CHD5: variants seen among roughly 807,000 people sequenced by gnomAD.
CHD5 encodes the protein chromodomain helicase DNA binding protein 5.
A neutral mutation model predicts 230.3 loss-of-function variants in CHD5; 69 were observed. The ratio of observed to expected loss-of-function variants is 0.30; its 90% CI spans 0.25 to 0.37. CHD5 has a LOEUF of 0.37. Among genes scored for constraint, CHD5 ranks in the 10% least tolerant of loss-of-function variants. The pLI is 1.00. For synonymous variants in CHD5, 1,064 were observed against 1,065.9 expected (o/e 1.00, Z 0.03); for missense variants, 1,827 against 2,622.8 (o/e 0.70, Z 6.63).
chr1:6,156,557 G>C (rs1667084219), intron 3 of CHD5, among the ~76,000 whole-genome samples: 2 of 138,868 alleles, frequency 1.4e-5, no homozygotes, highest in Non-Finnish European at 1.6e-5. Context: ...AAAAAAAAAA[G>C]ACATGAGGCC....
rs768661828 is a variant in CHD5 at position 6,131,763 on chromosome 1, G to A, written c.3145-15C>T. 4.4e-5 allele frequency: 69 copies of A among 1,562,170 alleles called. No homozygotes were observed. Among genetic ancestry groups the A allele is most frequent in the Non-Finnish European group, 5.6e-5 (64 of 1,134,044 alleles). On this transcript the variant is annotated splice_polypyrimidine_tract_variant and intron_variant, in intron 20 of 41. Transcript: ENST00000262450. The surrounding 1 kb of genome is among the most constrained non-coding windows in gnomAD (Gnocchi z 5.0). Reference sequence around the variant, plus strand: ...ATCTTGGTCATCTGCAGGGGAGACGGGCACGTGAGGAACTGCCAAGGAGCA... The same window carrying A: ...ATCTTGGTCATCTGCAGGGGAGACGAGCACGTGAGGAACTGCCAAGGAGCA...
chr1:6,163,023 C>G (rs1667201697), intron 2 of CHD5, among the ~76,000 whole-genome samples: 1 of 152,214 alleles, frequency 6.6e-6, no homozygotes, highest in African/African-American at 2.4e-5. Context: ...CTGGCAGGAG[C>G]AGCAGCGCAT....
rs148036155 is a variant in CHD5 at position 6,108,757 on chromosome 1, G to A, written c.5578+1038C>T. ...TGATGGAGAGACAGAGGGATGGAGG[G>A]TTGGAGGCATGGAAGAATTATGGAG... On this transcript the variant is annotated intron_variant, in intron 38 of 41. Transcript: ENST00000262450. Among the ~76,000 whole-genome samples, 395 of 150,592 alleles carry A rather than the reference G, an allele frequency of 2.6e-3. 1 individual carries two copies. The highest frequency in any genetic ancestry group is 4.8e-3 in the Non-Finnish European group (321 of 67,492).
In CHD5 at chr1:6,127,055, G is replaced by C. The variant is rs1400901692; in HGVS notation, c.3904-309C>G. ...CTTGCCTGCCCTCAGGAGGCTCCTG[G>C]TTTCAAAGGAAAAGGTCATGGGCTC... On this transcript the variant is annotated intron_variant, in intron 25 of 41. Coordinates refer to ENST00000262450, the MANE Select transcript of CHD5 (RefSeq NM_015557.3). The C allele has an allele frequency of 9.8e-6, 4 of 406,256 alleles. No individual in the cohort carries two copies. In the East Asian group the frequency reaches 2.2e-4, roughly 22 times the overall value. The allele number at this position is 406,256 out of a possible 1,614,324, so 25.2% of individuals were successfully genotyped here.
intron 38 of CHD5, among the ~76,000 whole-genome samples, chr1:6,108,524 GGAT>G (rs1304076396): frequency 6.7e-6 from 1 of 148,494 alleles, no homozygotes; most frequent in Non-Finnish European, 1.5e-5. Context: ...GATGATGAAG[GGAT>G]GACGGAGAGA....
rs562900339 is a variant in CHD5, at chr1:6,126,024, C to T, written c.4079-166G>A. Among the ~76,000 whole-genome samples the T allele has an allele frequency of 6.6e-6, 1 of 152,150 alleles. No homozygotes were observed. Among genetic ancestry groups the T allele is most frequent in the Non-Finnish European group, 1.5e-5 (1 of 68,028 alleles). On this transcript the variant is annotated intron_variant, in intron 26 of 41. Transcript: ENST00000262450. This position sits in a 1 kb window ranked among gnomAD's most constrained non-coding sequence, Gnocchi z 5.7. ...GTGGGCTCATTTAGTAATCCCAACA[C>T]CACCACGTTATACACTAAGGGTACC...
chr1:6,141,149 C>T (rs772083214), intron 15 of CHD5, among the ~76,000 whole-genome samples: 8 of 150,592 alleles, frequency 5.3e-5, no homozygotes, highest in South Asian at 2.1e-4. Context: ...CTGGGCATTG[C>T]GGCATGTGCC....
chr1:6,118,145 G>A (rs1290953382), intron 33 of CHD5, among the ~76,000 whole-genome samples: 1 of 152,160 alleles, frequency 6.6e-6, no homozygotes, highest in African/African-American at 2.4e-5. Flanking sequence ...GGAGGTCAAG[G>A]TGGGAGGATT....
chr1:6,116,412 C>A (rs562644348), intron 33 of CHD5, among the ~76,000 whole-genome samples: 1 of 152,256 alleles, frequency 6.6e-6, no homozygotes, highest in South Asian at 2.1e-4. Context: ...AAATATTCAG[C>A]TTTAAGAATC....
chr1:6,124,175 C>A, intron 30 of CHD5, 68 bp from the exon 31 acceptor site: 1 of 1,439,984 alleles, frequency 6.9e-7, no homozygotes, highest in Admixed American at 2.1e-5. Context: ...GCCCTAAGGG[C>A]CTCAGGGCAG....
At chr1:6,115,079 G>A (rs540574741) in intron 33 of CHD5, among the ~76,000 whole-genome samples, 6 of 151,746 alleles carry the variant, frequency 4.0e-5, no homozygotes, top group South Asian at 2.1e-4. Context: ...TTGGGAGGCC[G>A]AGGCGGGCAG....
intron 2 of CHD5, 66 bp downstream of exon 2, chr1:6,168,084 C>A (rs758622711): frequency 1.1e-5 from 17 of 1,529,892 alleles, no homozygotes; most frequent in Non-Finnish European, 1.5e-5. Context: ...CCCTCCTCTG[C>A]GGCCGGGCAG....
chr1:6,168,871 T>C (rs1420296168), intron 1 of CHD5, among the ~76,000 whole-genome samples: 1 of 151,814 alleles, frequency 6.6e-6, no homozygotes, highest in African/African-American at 2.4e-5. Flanking sequence ...ATACAAAAAT[T>C]AGCTGGGCGT....
intron 1 of CHD5, among the ~76,000 whole-genome samples, chr1:6,174,222 T>C (rs1406728989): frequency 6.6e-6 from 1 of 150,858 alleles, no homozygotes; most frequent in Non-Finnish European, 1.5e-5. Flanking sequence ...AACTGACAGA[T>C]ATGGGGACAG....
Position 6,142,613 on chromosome 1 carries a change from G to A in CHD5, c.2044-8C>T, listed in dbSNP as rs377306536. The A allele has an allele frequency of 4.4e-6, 7 of 1,606,586 alleles. No individual in the cohort carries two copies. The African/African-American group carries it at 5.3e-5, about 12-fold the overall frequency. On this transcript the variant is annotated splice_region_variant and splice_polypyrimidine_tract_variant and intron_variant, in intron 13 of 41. Transcript: ENST00000262450. This position sits in a 1 kb window ranked among gnomAD's most constrained non-coding sequence, Gnocchi z 5.2. The stretch of plus-strand genomic sequence containing the variant: ...GTCGAACTTGACCGTGGGCTGCAGG[G>A]GAGGCAGCGGTTCAGACACGCCCCA...
intron 2 of CHD5, among the ~76,000 whole-genome samples, chr1:6,164,382 A>AC: frequency 6.6e-6 from 1 of 152,308 alleles, no homozygotes. Context: ...TGCTATGGTA[A>AC]CCGCTGCAGT....
Position 6,121,765 on chromosome 1 carries a change from G to A in CHD5, c.4700-192C>T, listed in dbSNP as rs551004646. On this transcript the variant is annotated intron_variant, in intron 31 of 41. Transcript: ENST00000262450. This position sits in a 1 kb window ranked among gnomAD's most constrained non-coding sequence, Gnocchi z 4.5. ...GCCAGGCCAGGCCTTTGACTCAGGAGTGCTTGGAGGACCTTGAACCCAGTA... is the reference window on the plus strand; with the variant it reads ...GCCAGGCCAGGCCTTTGACTCAGGAATGCTTGGAGGACCTTGAACCCAGTA... Among the ~76,000 whole-genome samples, 4 of 152,316 alleles carry A rather than the reference G, an allele frequency of 2.6e-5. No homozygotes were observed. In the South Asian group the frequency reaches 8.3e-4, roughly 32 times the overall value.
intron 9 of CHD5, among the ~76,000 whole-genome samples, chr1:6,147,904 G>A (rs1009214382): frequency 1.3e-5 from 2 of 152,024 alleles, no homozygotes; most frequent in African/African-American, 4.8e-5. Context: ...TTGGGGGAGT[G>A]GAAGAGGGGA....
rs575916681 is a variant in CHD5, at chr1:6,147,893, C to T, written c.1383+961G>A. On this transcript the variant is annotated intron_variant, in intron 9 of 41. Coordinates refer to ENST00000262450, the MANE Select transcript of CHD5 (RefSeq NM_015557.3). Reference sequence around the variant, plus strand: ...GGCAGGAAAGGCTCCTCCACTGGCTCTTGGGGGAGTGGAAGAGGGGACCCT... The same window carrying T: ...GGCAGGAAAGGCTCCTCCACTGGCTTTTGGGGGAGTGGAAGAGGGGACCCT... Among the ~76,000 whole-genome samples, 13 of 152,192 alleles carry T rather than the reference C, an allele frequency of 8.5e-5. No homozygotes were observed. The South Asian group carries it at 2.5e-3, about 29-fold the overall frequency.
Sources: gnomAD v4.1 joint callset for allele counts (sites outside exome capture counted in the v4.1 genomes callset) on GRCh38, gnomAD v4.1.1 for gene constraint, Gnocchi (gnomAD v3.1) non-coding constraint, MANE v1.5 for transcripts, NCBI Gene and HGNC (gene_info 2026-07-23, HGNC 2026-07-21) for gene names.